The following PPP5C variants were observed in gnomAD, a reference collection of about 807,000 sequenced individuals.
PPP5C encodes protein phosphatase 5 catalytic subunit, also known as serine/threonine-protein phosphatase 5.
PPP5C carries 21 observed loss-of-function variants against 66.7 expected under a neutral mutation model. The ratio of observed to expected loss-of-function variants is 0.31; its 90% confidence interval spans 0.22 to 0.45. The LOEUF is 0.45. Ranked by LOEUF, PPP5C falls within the 20% of genes least tolerant of loss-of-function variation. The pLI, the probability that PPP5C is intolerant of heterozygous loss-of-function variation, is 1.00. For missense variants in PPP5C, 464 were observed against 675.9 expected (o/e 0.69, Z 3.48); for synonymous variants, 246 against 257.4 (o/e 0.96, Z 0.43).
intron 2 of PPP5C, among the ~76,000 whole-genome samples, chr19:46,373,371 C>T (rs963159486): frequency 6.6e-6 from 1 of 152,220 alleles, no homozygotes; most frequent in East Asian, 1.9e-4. Context: ...GTTTTCTTGT[C>T]TGTCAGATGA....
At chr19:46,352,777 A>AC (rs1179895003) in intron 1 of PPP5C, among the ~76,000 whole-genome samples, 3 of 146,780 alleles carry the variant, frequency 2.0e-5, no homozygotes, top group Non-Finnish European at 3.0e-5. Flanking sequence ...CGGAGATCGC[A>AC]CCGCTGCACT....
At chr19:46,372,237 T>A (rs1972606293) in intron 2 of PPP5C, among the ~76,000 whole-genome samples, 1 of 152,102 alleles carries the variant, frequency 6.6e-6, no homozygotes, top group African/African-American at 2.4e-5. Context: ...AGAATCTCAC[T>A]GTGTTACCCA....
At chr19:46,366,334 GA>G (rs1463140851) in intron 2 of PPP5C, among the ~76,000 whole-genome samples, 1 of 152,080 alleles carries the variant, frequency 6.6e-6, no homozygotes, top group Non-Finnish European at 1.5e-5. Context: ...GAGAACAAGG[GA>G]GAGGCTTGTG....
intron 2 of PPP5C, among the ~76,000 whole-genome samples, chr19:46,354,735 C>T (rs751012471): frequency 2.2e-4 from 34 of 151,776 alleles, no homozygotes; most frequent in African/African-American, 6.3e-4. Flanking sequence ...AGCTCAAGGC[C>T]GCAGTGAGCT....
Position 46,376,593 on chromosome 19 carries a change from A to G in PPP5C, c.633+19A>G, listed in dbSNP as rs769754277. 6.2e-7 allele frequency: 1 copy of G among 1,611,604 alleles called. No homozygotes were observed. The highest frequency in any genetic ancestry group is 1.3e-5 in the African/African-American group (1 of 75,008). ...CTACCAGGTAATGCATCTGTCAGGT[A>G]CTGGGCACCCGGGAACCCTGGGATG... On this transcript the variant is annotated intron_variant, in intron 4 of 12. Coordinates refer to ENST00000012443, the MANE Select transcript of PPP5C (RefSeq NM_006247.4). The surrounding 1 kb of genome is among the most constrained non-coding windows in gnomAD (Gnocchi z 5.1).
chr19:46,388,569 G>A lies in PPP5C; in HGVS notation c.1193G>A (p.Ser398Asn). ...DPQPQNGRSISKRGVSCQFGP... is the reference protein window; with the variant it reads ...DPQPQNGRSINKRGVSCQFGP... ...CACCCTCAGAACGGGCGCTCGATCAGCAAGCGGGGCGTGAGCTGTCAGTTT... is the reference window on the plus strand; with the variant it reads ...CACCCTCAGAACGGGCGCTCGATCAACAAGCGGGGCGTGAGCTGTCAGTTT... The change falls in exon 11 of 13, where the codon AGC becomes AAC. Residue 398 changes from serine (S) to asparagine (N), a missense_variant. Coordinates refer to ENST00000012443, the MANE Select transcript of PPP5C (RefSeq NM_006247.4). The surrounding 1 kb of genome is among the most constrained non-coding windows in gnomAD (Gnocchi z 4.9). 1 of 1,614,074 alleles carries A rather than the reference G, an allele frequency of 6.2e-7. No homozygotes were observed. The highest frequency in any genetic ancestry group is 8.5e-7 in the Non-Finnish European group (1 of 1,179,952).
intron 2 of PPP5C, among the ~76,000 whole-genome samples, chr19:46,355,981 T>G (rs997654054): frequency 1.3e-5 from 2 of 151,394 alleles, no homozygotes; most frequent in Non-Finnish European, 2.9e-5. Context: ...GCTGCAAGAG[T>G]GTCTTTCCCC....
At chr19:46,386,703 C>T (rs956166303) in intron 7 of PPP5C, 8 of 277,368 alleles carry the variant, frequency 2.9e-5, no homozygotes, top group African/African-American at 1.3e-4. Flanking sequence ...GCCTCTGCTT[C>T]GTGGGCTCAA....
chr19:46,385,947 G>GA (rs35801370), intron 7 of PPP5C, among the ~76,000 whole-genome samples: 2,865 of 127,012 alleles, frequency 0.023, 82 homozygotes, highest in African/African-American at 0.071. Context: ...CTGTCTCTTT[G>GA]AAAAAAAAAA....
At chr19:46,385,151 A>C (rs1232579590) in intron 7 of PPP5C, among the ~76,000 whole-genome samples, 3 of 152,244 alleles carry the variant, frequency 2.0e-5, no homozygotes, top group Non-Finnish European at 4.4e-5. Context: ...ATGGCAAACA[A>C]GGGTGTGAGG....
intron 2 of PPP5C, among the ~76,000 whole-genome samples, chr19:46,355,353 G>A (rs1325491203): frequency 6.7e-6 from 1 of 149,536 alleles, no homozygotes; most frequent in East Asian, 2.0e-4. Flanking sequence ...CGTGTAGGGA[G>A]GGGCAACCAG....
At position 46,353,854 on chromosome 19, in the gene PPP5C, G is replaced by C; in HGVS notation, c.228G>C (p.Glu76Asp). Residue 76 changes from glutamate (E) to aspartate (D), a missense_variant, in exon 2 of 13, where the codon GAG becomes GAC. Transcript: ENST00000012443. ...GNRSLAYLRT[E>D]CYGYALGDAT... is the part of the protein sequence containing the mutation. ...GCAGCCTGGCCTACCTGCGCACTGA[G>C]TGCTATGGCTACGCGCTGGGAGACG... 6.2e-7 allele frequency: 1 copy of C among 1,611,582 alleles called. No homozygotes were observed. The highest frequency in any genetic ancestry group is 8.5e-7 in the Non-Finnish European group (1 of 1,179,018).
Position 46,368,582 on chromosome 19 carries a change from G to A in PPP5C, c.364-7022G>A, listed in dbSNP as rs138849956. 1.4e-3 allele frequency among the ~76,000 whole-genome samples: 217 copies of A among 152,230 alleles called. 2 individuals are homozygous for A. The highest frequency in any genetic ancestry group is 5.1e-3 in the African/African-American group (211 of 41,534). ...TATTTTAATAGCTTTGGGGGTACCC[G>A]TGGTTTTAGTGGCATGGATGAACTG... is the stretch of plus-strand genomic sequence containing the variant. On this transcript the variant is annotated intron_variant, in intron 2 of 12. Transcript: ENST00000012443.
Position 46,347,510 on chromosome 19 carries a change from C to T in PPP5C, c.121+293C>T, listed in dbSNP as rs538026428. On this transcript the variant is annotated intron_variant, in intron 1 of 12. Coordinates refer to ENST00000012443, the MANE Select transcript of PPP5C (RefSeq NM_006247.4). ...ATGAGGGCGCTACCAAACGTGAGGC[C>T]TGTAGAGGGCGCTACCAGGCAGTGA... 2.6e-5 allele frequency among the ~76,000 whole-genome samples: 4 copies of T among 151,546 alleles called. No individual in the cohort carries two copies. The South Asian group carries it at 8.3e-4, about 32-fold the overall frequency.
chr19:46,389,277 T>C (rs1972949546), intron 11 of PPP5C, among the ~76,000 whole-genome samples: 1 of 150,682 alleles, frequency 6.6e-6, no homozygotes, highest in South Asian at 2.1e-4. Flanking sequence ...TGAGCTGAGA[T>C]TGCACCACTG....
Position 46,389,391 on chromosome 19 carries a change from A to AT in PPP5C, c.1355+660_1356-659insT. 1.8e-4 allele frequency among the ~76,000 whole-genome samples: 2 copies of AT among 10,828 alleles called. 1 individual carries two copies. The highest frequency in any genetic ancestry group is 4.8e-4 in the African/African-American group (2 of 4,186). 7.1% of individuals were successfully genotyped at this position (10,828 alleles called of 152,430 possible). A position where few individuals can be genotyped will look rare whatever the true frequency, so the allele number is the denominator to read the frequency against. On this transcript the variant is annotated intron_variant, in intron 11 of 12. Transcript: ENST00000012443. ...CACACACACACACACACACACACAC[A>AT]CACACACACACACACACACACACAC...
chr19:46,373,008 C>T (rs1283239159), intron 2 of PPP5C, among the ~76,000 whole-genome samples: 1 of 152,248 alleles, frequency 6.6e-6, no homozygotes, highest in Non-Finnish European at 1.5e-5. Flanking sequence ...CTGCTGCTGC[C>T]TGGCATTAAG....
intron 2 of PPP5C, among the ~76,000 whole-genome samples, chr19:46,363,814 CAT>C (rs995690935): frequency 2.6e-5 from 4 of 152,278 alleles, no homozygotes; most frequent in African/African-American, 9.6e-5. Flanking sequence ...ATAGACATAA[CAT>C]ATATGTAGAC....
intron 2 of PPP5C, among the ~76,000 whole-genome samples, chr19:46,365,939 CT>C (rs1436857949): frequency 1.3e-5 from 2 of 152,128 alleles, no homozygotes; most frequent in Admixed American, 6.5e-5. Context: ...AGGCAGTTTT[CT>C]TTTTTTCCCC....
Sources: gnomAD v4.1 joint callset for allele counts (sites outside exome capture counted in the v4.1 genomes callset) on GRCh38, gnomAD v4.1.1 for gene constraint, Gnocchi (gnomAD v3.1) non-coding constraint, MANE v1.5 for transcripts, NCBI Gene and HGNC (gene_info 2026-07-23, HGNC 2026-07-21) for gene names.